CDH5: variants seen among roughly 807,000 people sequenced by gnomAD.
CDH5 encodes the protein cadherin-5.
CDH5 carries 28 observed loss-of-function variants against 62.0 expected under a neutral mutation model. The observed-to-expected ratio is 0.45, with a 90% CI of 0.33 to 0.62. The LOEUF (loss-of-function observed/expected upper bound fraction) is 0.62. Among genes scored for constraint, CDH5 ranks in the 20% least tolerant of loss-of-function variants. CDH5 has a pLI of 0.02. For missense variants in CDH5, 940 were observed against 1,065.1 expected (o/e 0.88, Z 1.63); for synonymous variants, 464 against 445.8 (o/e 1.04, Z -0.52).
In CDH5 at chr16:66,402,804, A is replaced by C. The variant is rs751239395; in HGVS notation, c.1990A>C (p.Asn664His). 2.2e-5 allele frequency: 36 copies of C among 1,601,928 alleles called. No homozygotes were observed. In the South Asian group the frequency reaches 3.6e-4, roughly 16 times the overall value. ...DTTSYDVSVL[N>H]SVRRGGAKPP... ...CACCAGCTACGATGTGTCGGTGCTC[A>C]ACTCGGTGCGCCGCGGCGGGGCCAA... is the stretch of plus-strand genomic sequence containing the variant. The change falls in exon 12 of 12, where the codon AAC (asparagine) becomes CAC (histidine). Residue 664 changes from asparagine (N) to histidine (H), a missense_variant. Physicochemically the swap from Asn to His is moderately conservative, Grantham distance 68. Coordinates refer to ENST00000341529, the MANE Select transcript of CDH5 (RefSeq NM_001795.5).
chr16:66,396,307 C>T, intron 8 of CDH5, 106 bp downstream of exon 8: 4 of 1,364,244 alleles, frequency 2.9e-6, no homozygotes, highest in Non-Finnish European at 4.1e-6. Flanking sequence ...ATTAGAAGTG[C>T]CTGCTGAAGC....
In CDH5 at chr16:66,370,990, G is replaced by T. The variant is rs545667831; in HGVS notation, c.-20+4232G>T. On this transcript the variant is annotated intron_variant, in intron 1 of 11. Transcript: ENST00000341529. ...CCAGCAGGGAGTGGGGAGGCTGTTGGCAGAACCTGCAGGGAGAGGAACAGG... is the reference window on the plus strand; with the variant it reads ...CCAGCAGGGAGTGGGGAGGCTGTTGTCAGAACCTGCAGGGAGAGGAACAGG... Among the ~76,000 whole-genome samples, 5 of 152,196 alleles carry T rather than the reference G, an allele frequency of 3.3e-5. No individual in the cohort carries two copies. The South Asian group carries it at 1.0e-3, about 32-fold the overall frequency.
At chr16:66,402,552 C>A in intron 11 of CDH5, 100 bp from the exon 12 acceptor site, 4 of 898,948 alleles carry the variant, frequency 4.4e-6, no homozygotes, top group Non-Finnish European at 5.9e-6. Context: ...GCTGGGAGGG[C>A]GTGGGGGTGG....
At chr16:66,387,383 A>G (rs1961004866) in intron 3 of CDH5, among the ~76,000 whole-genome samples, 1 of 152,170 alleles carries the variant, frequency 6.6e-6, no homozygotes, top group Non-Finnish European at 1.5e-5. Flanking sequence ...CTGATCCTGG[A>G]CTGAGCCCTG....
chr16:66,392,167 G>C lies in CDH5; in HGVS notation c.1001G>C (p.Ser334Thr), dbSNP rs35062536. The C allele has an allele frequency of 5.0e-6, 8 of 1,613,972 alleles. No homozygotes were observed. The highest frequency in any genetic ancestry group is 6.8e-6 in the Non-Finnish European group (8 of 1,180,012). The change falls in exon 7 of 12, where the codon AGC (serine) becomes ACC (threonine). Residue 334 changes from serine to threonine, a missense_variant. By Grantham distance (58) the Ser-to-Thr change is moderately conservative. Transcript: ENST00000341529. ...GATTATGAATACATCCAGCAATACA[G>C]CTTCATCGTCGAGGCCACAGACCCC... ...PLDYEYIQQY[S>T]FIVEATDPTI...
rs147924693 is a variant in CDH5, at chr16:66,379,409, A to T, written c.72A>T (p.Ala24=). The part of the protein sequence containing the change: ...CLGLLAVAAV[A]AAGANPAQRD... ...GCCTGCTGGCAGTGGCAGCAGTGGC[A>T]GCAGCAGGTGCTAACCCTGCCCAAC... The change falls in exon 2 of 12, where the codon GCA becomes GCT. Residue 24 remains alanine (A), a synonymous_variant. Coordinates refer to ENST00000341529, the MANE Select transcript of CDH5 (RefSeq NM_001795.5). The T allele has an allele frequency of 3.4e-4, 543 of 1,614,088 alleles. 2 individuals are homozygous for T. The African/African-American group carries it at 6.6e-3, about 20-fold the overall frequency.
chr16:66,368,250 A>T (rs933951569), intron 1 of CDH5, among the ~76,000 whole-genome samples: 1 of 152,162 alleles, frequency 6.6e-6, no homozygotes, highest in African/African-American at 2.4e-5. Context: ...GCCCTGGTCC[A>T]TCCTCAGGTG....
intron 2 of CDH5, among the ~76,000 whole-genome samples, chr16:66,382,607 C>T (rs893229095): frequency 2.6e-5 from 4 of 152,172 alleles, no homozygotes; most frequent in African/African-American, 9.7e-5. Flanking sequence ...TGGGGGCTAC[C>T]TTTCAAGGGC....
At chr16:66,382,734 G>T (rs924111625) in intron 2 of CDH5, among the ~76,000 whole-genome samples, 1 of 152,140 alleles carries the variant, frequency 6.6e-6, no homozygotes, top group South Asian at 2.1e-4. Context: ...GGGTCGTCAC[G>T]CTGGGAAGAA....
chr16:66,391,185 T>C (rs1961077143), intron 6 of CDH5, among the ~76,000 whole-genome samples: 3 of 152,176 alleles, frequency 2.0e-5, no homozygotes, highest in Non-Finnish European at 4.4e-5. Context: ...GTCCTGGGCC[T>C]GAGTCCTTCT....
Position 66,392,390 on chromosome 16 carries a change from G to A in CDH5, c.1217+7G>A. The stretch of plus-strand genomic sequence containing the variant: ...CGGCTAGGCATAGCATTGGGTAAGG[G>A]GGCGTGTGTCGATGAGAATGATAAG... On this transcript the variant is annotated splice_region_variant and intron_variant, in intron 7 of 11. Coordinates refer to ENST00000341529, the MANE Select transcript of CDH5 (RefSeq NM_001795.5). 1 of 1,613,990 alleles carries A rather than the reference G, an allele frequency of 6.2e-7. No homozygotes were observed. The highest frequency in any genetic ancestry group is 8.5e-7 in the Non-Finnish European group (1 of 1,179,916).
chr16:66,395,844 T>G (rs1961175005), intron 7 of CDH5: 1 of 479,018 alleles, frequency 2.1e-6, no homozygotes, highest in Non-Finnish European at 3.7e-6. Flanking sequence ...AGTCCAGTGA[T>G]GGCAATGTAA....
intron 7 of CDH5, chr16:66,395,694 T>A (rs965057966): frequency 1.3e-4 from 22 of 167,642 alleles, no homozygotes; most frequent in Non-Finnish European, 2.3e-4. Flanking sequence ...TTACTTCTTA[T>A]CTCTTCCAGC....
intron 2 of CDH5, among the ~76,000 whole-genome samples, chr16:66,385,528 G>A (rs546915525): frequency 1.8e-4 from 27 of 152,292 alleles, no homozygotes; most frequent in African/African-American, 5.8e-4. Flanking sequence ...GGGGTGTGCT[G>A]ATATATGTTT....
chr16:66,383,743 T>A (rs1019619664), intron 2 of CDH5, among the ~76,000 whole-genome samples: 1 of 152,162 alleles, frequency 6.6e-6, no homozygotes, highest in African/African-American at 2.4e-5. Context: ...TGGGCCTTAG[T>A]ACCTCCTCAT....
intron 2 of CDH5, among the ~76,000 whole-genome samples, chr16:66,383,501 CAGAT>C (rs1960931605): frequency 6.6e-6 from 1 of 152,154 alleles, no homozygotes; most frequent in Non-Finnish European, 1.5e-5. Flanking sequence ...TCCAATCACA[CAGAT>C]CCAAGCTGAT....
chr16:66,393,543 G>T (rs1189202084), intron 7 of CDH5, among the ~76,000 whole-genome samples: 1 of 152,064 alleles, frequency 6.6e-6, no homozygotes, highest in Non-Finnish European at 1.5e-5. Flanking sequence ...CAGAACCTAG[G>T]GGATGGAGCT....
At position 66,401,020 on chromosome 16, in the gene CDH5, A is replaced by G; in HGVS notation, c.1837+4A>G. 6.2e-7 allele frequency: 1 copy of G among 1,613,856 alleles called. No individual in the cohort carries two copies. Among genetic ancestry groups the G allele is most frequent in the South Asian group, 1.1e-5 (1 of 91,064 alleles). On this transcript the variant is annotated splice_donor_region_variant and intron_variant, in intron 11 of 11. Coordinates refer to ENST00000341529, the MANE Select transcript of CDH5 (RefSeq NM_001795.5). ...CTCTGCATCCTCACCATCACAGGTC[A>G]GTGCTGGGCAGGGTGGGGAGAAGAC...
intron 7 of CDH5, among the ~76,000 whole-genome samples, chr16:66,394,706 A>C (rs991622505): frequency 4.6e-5 from 7 of 151,792 alleles, no homozygotes; most frequent in African/African-American, 1.7e-4. Flanking sequence ...ACACACACCC[A>C]TTGCTTTTCT....
Sources: allele counts gnomAD v4.1 joint callset (sites outside exome capture counted in the v4.1 genomes callset), GRCh38; gene constraint gnomAD v4.1.1; transcripts MANE v1.5; gene names NCBI Gene and HGNC (gene_info 2026-07-23, HGNC 2026-07-21).